RABGAP1L: variants seen among roughly 807,000 people sequenced by gnomAD.
The protein encoded by RABGAP1L is RAB GTPase activating protein 1 like, also known as rab GTPase-activating protein 1-like.
In RABGAP1L, 63 loss-of-function variants were observed where a neutral mutation model predicts 137.7. That is an observed-to-expected ratio of 0.46 (90% CI 0.37 to 0.56). The LOEUF (loss-of-function observed/expected upper bound fraction) is 0.56. Among genes scored for constraint, RABGAP1L ranks in the 20% least tolerant of loss-of-function variants. The probability of loss-of-function intolerance (pLI) is 0.00; values close to 1 mark genes in which losing one functional copy is unlikely to be tolerated. For missense variants in RABGAP1L, 1,095 were observed against 1,244.0 expected (o/e 0.88, Z 1.80); for synonymous variants, 431 against 433.7 (o/e 0.99, Z 0.08).
intron 11 of RABGAP1L, among the ~76,000 whole-genome samples, chr1:174,328,863 C>T (rs932730711): frequency 6.6e-6 from 1 of 151,832 alleles, no homozygotes; most frequent in Non-Finnish European, 1.5e-5. Flanking sequence ...GGGAAGTATA[C>T]AGTAATAAAT....
Position 174,688,108 on chromosome 1 carries a change from ATAATGT to A in RABGAP1L, c.1899+4514_1899+4519del, listed in dbSNP as rs1331851752. On this transcript the variant is annotated intron_variant, in intron 15 of 25. Transcript: ENST00000681986. Reference sequence around the variant, plus strand: ...ATAGTACAGATTGCCTGCAACCATTATAATGTTCAACTGCCTTTGTAATGAAATATA... The same window carrying A: ...ATAGTACAGATTGCCTGCAACCATTATCAACTGCCTTTGTAATGAAATATA... Among the ~76,000 whole-genome samples, 6 of 152,190 alleles carry A rather than the reference ATAATGT, an allele frequency of 3.9e-5. No individual in the cohort carries two copies. The East Asian group carries it at 9.6e-4, about 24-fold the overall frequency.
At chr1:174,820,405 C>T (rs899102999) in intron 19 of RABGAP1L, among the ~76,000 whole-genome samples, 11 of 152,182 alleles carry the variant, frequency 7.2e-5, no homozygotes, top group South Asian at 2.1e-4. Flanking sequence ...ATGACTTAAC[C>T]GCCCCACTCA....
chr1:174,387,389 T>C (rs976971728), intron 12 of RABGAP1L, among the ~76,000 whole-genome samples: 2 of 152,200 alleles, frequency 1.3e-5, no homozygotes, highest in Admixed American at 1.3e-4. Context: ...TGTGATATTA[T>C]CAATAAATCC....
intron 13 of RABGAP1L, among the ~76,000 whole-genome samples, chr1:174,542,161 A>C (rs533219105): frequency 6.6e-6 from 1 of 152,326 alleles, no homozygotes; most frequent in Admixed American, 6.5e-5. Flanking sequence ...TAGTTTCAGA[A>C]GGAATGGTAC....
chr1:174,762,017 G>T (rs752461248), intron 18 of RABGAP1L, among the ~76,000 whole-genome samples: 4 of 152,122 alleles, frequency 2.6e-5, no homozygotes, highest in Non-Finnish European at 4.4e-5. Context: ...TAGAGGGTGA[G>T]ATTTGGACAA....
At chr1:174,466,773 C>A (rs999365042) in intron 13 of RABGAP1L, among the ~76,000 whole-genome samples, 2 of 152,114 alleles carry the variant, frequency 1.3e-5, no homozygotes, top group South Asian at 4.1e-4. Context: ...GGCGAGAGAG[C>A]GAGACTTTAT....
At chr1:174,989,609 A>G (rs2149401302) in intron 25 of RABGAP1L, among the ~76,000 whole-genome samples, 1 of 152,320 alleles carries the variant, frequency 6.6e-6, no homozygotes, top group East Asian at 1.9e-4. Context: ...CAGGGAAAAA[A>G]AGAATAAAAT....
At chr1:174,744,968 C>T (rs112699250) in intron 17 of RABGAP1L, among the ~76,000 whole-genome samples, 7 of 152,160 alleles carry the variant, frequency 4.6e-5, no homozygotes, top group African/African-American at 1.7e-4. Flanking sequence ...TTTCTAAATC[C>T]GAAATTATTT....
At chr1:174,817,470 G>C (rs77890517) in intron 19 of RABGAP1L, among the ~76,000 whole-genome samples, 1 of 152,122 alleles carries the variant, frequency 6.6e-6, no homozygotes, top group African/African-American at 2.4e-5. Context: ...ATATGGAGTT[G>C]CCCAAGACCT....
intron 18 of RABGAP1L, among the ~76,000 whole-genome samples, chr1:174,777,772 A>G (rs1405440551): frequency 6.6e-6 from 1 of 152,240 alleles, no homozygotes; most frequent in Non-Finnish European, 1.5e-5. Context: ...AATAGGATGA[A>G]GGGCAGATGG....
At chr1:174,910,758 A>G (rs988822338) in intron 19 of RABGAP1L, among the ~76,000 whole-genome samples, 1 of 152,200 alleles carries the variant, frequency 6.6e-6, no homozygotes, top group Non-Finnish European at 1.5e-5. Flanking sequence ...TGTAAGTCAG[A>G]GACGATCTGT....
At chr1:174,671,735 T>C (rs1298242547) in intron 14 of RABGAP1L, among the ~76,000 whole-genome samples, 1 of 152,202 alleles carries the variant, frequency 6.6e-6, no homozygotes, top group Non-Finnish European at 1.5e-5. Flanking sequence ...TTTGCATGTA[T>C]GTTCATCATA....
chr1:174,184,234 T>C (rs921397404), intron 1 of RABGAP1L, among the ~76,000 whole-genome samples: 2 of 152,208 alleles, frequency 1.3e-5, no homozygotes, highest in Non-Finnish European at 2.9e-5. Context: ...TTGTCACTCA[T>C]TTCTTAGCAT....
intron 19 of RABGAP1L, among the ~76,000 whole-genome samples, chr1:174,858,924 G>A (rs1314085756): frequency 6.6e-6 from 1 of 152,170 alleles, no homozygotes; most frequent in Non-Finnish European, 1.5e-5. Context: ...TGCTGGTGAG[G>A]TTGTTGAGAA....
At chr1:174,860,964 C>G (rs2149020811) in intron 19 of RABGAP1L, among the ~76,000 whole-genome samples, 1 of 152,172 alleles carries the variant, frequency 6.6e-6, no homozygotes, top group South Asian at 2.1e-4. Context: ...TCTAGCAAAT[C>G]TACATCTCCC....
Position 174,448,800 on chromosome 1 carries a change from G to A in RABGAP1L, c.1710+54655G>A. The A allele has an allele frequency of 6.2e-7, 1 of 1,613,946 alleles. No individual in the cohort carries two copies. Among genetic ancestry groups the A allele is most frequent in the Non-Finnish European group, 8.5e-7 (1 of 1,179,954 alleles). Reference sequence around the variant, plus strand: ...ACTTACTTCCACATTTTCAAAATTTGCCGTCAGCACACCAAAGAGATAAAT... The same window carrying A: ...ACTTACTTCCACATTTTCAAAATTTACCGTCAGCACACCAAAGAGATAAAT... On this transcript the variant is annotated intron_variant, in intron 13 of 25. Transcript: ENST00000681986. This position sits in a 1 kb window ranked among gnomAD's most constrained non-coding sequence, Gnocchi z 4.2.
chr1:174,511,419 A>ACG (rs1662324495), intron 13 of RABGAP1L, among the ~76,000 whole-genome samples: 1 of 152,214 alleles, frequency 6.6e-6, no homozygotes, highest in Non-Finnish European at 1.5e-5. Context: ...TCTAAGAAGC[A>ACG]TGAATTTAGA....
intron 13 of RABGAP1L, among the ~76,000 whole-genome samples, chr1:174,624,540 G>A (rs1672798239): frequency 6.6e-6 from 1 of 152,136 alleles, no homozygotes; most frequent in Non-Finnish European, 1.5e-5. Flanking sequence ...AGACTTGCAA[G>A]TAGGAGTATA....
At chr1:174,618,439 C>G (rs986505917) in intron 13 of RABGAP1L, among the ~76,000 whole-genome samples, 1 of 152,180 alleles carries the variant, frequency 6.6e-6, no homozygotes, top group African/African-American at 2.4e-5. Context: ...TCCTCTGAGA[C>G]AAAACTTCCA....
Sources: gnomAD v4.1 joint callset for allele counts (sites outside exome capture counted in the v4.1 genomes callset) on GRCh38, gnomAD v4.1.1 for gene constraint, Gnocchi (gnomAD v3.1) non-coding constraint, MANE v1.5 for transcripts, NCBI Gene and HGNC (gene_info 2026-07-23, HGNC 2026-07-21) for gene names.